Variants in TRAPPC12 observed in about 807,000 individuals in gnomAD.
TRAPPC12 encodes the protein trafficking protein particle complex subunit 12.
A neutral mutation model predicts 69.2 loss-of-function variants in TRAPPC12; 61 were observed. The ratio of observed to expected loss-of-function variants is 0.88; its 90% CI spans 0.72 to 1.09. The LOEUF (loss-of-function observed/expected upper bound fraction) is 1.09, where lower values mean the gene tolerates loss of function less well. Among genes scored for constraint, TRAPPC12 ranks in the 50% least tolerant of loss-of-function variants. The pLI is 0.00. For synonymous variants in TRAPPC12, 469 were observed against 438.9 expected (o/e 1.07, Z -0.86); for missense variants, 1,101 against 1,016.4 (o/e 1.08, Z -1.13).
chr2:3,422,525 C>G (rs534766213), intron 4 of TRAPPC12, among the ~76,000 whole-genome samples: 3 of 152,362 alleles, frequency 2.0e-5, no homozygotes, highest in South Asian at 2.1e-4. Flanking sequence ...TACATTCTTA[C>G]CTTTCCCTGG....
At chr2:3,464,748 G>T (rs891582252) in intron 8 of TRAPPC12, among the ~76,000 whole-genome samples, 3 of 152,236 alleles carry the variant, frequency 2.0e-5, no homozygotes, top group Non-Finnish European at 2.9e-5. Context: ...AGACCTTCCT[G>T]CACGGAGACC....
intron 2 of TRAPPC12, chr2:3,389,770 C>G (rs1240734890): frequency 2.1e-6 from 1 of 465,224 alleles, no homozygotes; most frequent in African/African-American, 2.1e-5. Flanking sequence ...ATTATGCCGA[C>G]AACCAGAGTG....
Position 3,478,033 on chromosome 2 carries a change from C to T in TRAPPC12, c.1877+238C>T, listed in dbSNP as rs538268372. 14 of 370,664 alleles carry T rather than the reference C, an allele frequency of 3.8e-5. 1 individual carries two copies. The South Asian group carries it at 4.0e-4, about 11-fold the overall frequency. 23.0% of individuals were successfully genotyped at this position (370,664 alleles called of 1,614,324 possible). On this transcript the variant is annotated intron_variant, in intron 10 of 11. Coordinates refer to ENST00000324266, the MANE Select transcript of TRAPPC12 (RefSeq NM_016030.6). ...TATTCCCCCTTGTTCTTCAGAGAAG[C>T]GCTTGTATTGCCCCCGTTTTCAGCG...
chr2:3,401,033 G>A (rs1348680865), intron 2 of TRAPPC12, among the ~76,000 whole-genome samples: 1 of 152,208 alleles, frequency 6.6e-6, no homozygotes, highest in South Asian at 2.1e-4. Flanking sequence ...TCTAAAGATC[G>A]TTCTAATCAG....
chr2:3,446,204 A>G (rs546223302), intron 6 of TRAPPC12, among the ~76,000 whole-genome samples: 5 of 152,204 alleles, frequency 3.3e-5, no homozygotes, highest in South Asian at 2.1e-4. Context: ...TTAAAGATAC[A>G]TATCTTTTCC....
Position 3,424,612 on chromosome 2 carries a change from C to T in TRAPPC12, c.1366C>T (p.Gln456Ter). Residue 456 changes from glutamine (Q) to a stop codon, truncating the protein, a stop_gained, in exon 5 of 12, where the codon CAG becomes TAG. Coordinates refer to ENST00000324266, the MANE Select transcript of TRAPPC12 (RefSeq NM_016030.6). LOFTEE classifies it high-confidence loss of function. ...MEFEPFGNLD[Q>*]PDLYYEYYPH... ...ATTTGAACCCTTCGGAAATCTTGAT[C>T]AGCCAGATCTTTATTACGAGTACTA... The T allele has an allele frequency of 6.2e-7, 1 of 1,614,054 alleles. No individual in the cohort carries two copies. The highest frequency in any genetic ancestry group is 8.5e-7 in the Non-Finnish European group (1 of 1,179,980).
At chr2:3,389,286 G>A (rs993632385) in intron 2 of TRAPPC12, among the ~76,000 whole-genome samples, 1 of 152,226 alleles carries the variant, frequency 6.6e-6, no homozygotes, top group African/African-American at 2.4e-5. Flanking sequence ...CTGCCGGGCC[G>A]CACCTGGCTT....
chr2:3,457,997 C>T, intron 7 of TRAPPC12: 2 of 1,216,120 alleles, frequency 1.6e-6, no homozygotes, highest in East Asian at 4.0e-5. Flanking sequence ...GAGGAAGGAG[C>T]CCAGCCCAGC....
rs898132005 is a variant in TRAPPC12, at chr2:3,434,871, A to T, written c.1418-8908A>T. 3.9e-5 allele frequency among the ~76,000 whole-genome samples: 6 copies of T among 152,328 alleles called. No individual in the cohort carries two copies. In the East Asian group the frequency reaches 1.2e-3, roughly 29 times the overall value. ...CACCATAATGAGGACACAGCCAGCC[A>T]TCTCTTCCCTGCCACAGAACCCCAG... On this transcript the variant is annotated intron_variant, in intron 5 of 11. Coordinates refer to ENST00000324266, the MANE Select transcript of TRAPPC12 (RefSeq NM_016030.6).
At chr2:3,475,382 A>C (rs35090598) in intron 9 of TRAPPC12, among the ~76,000 whole-genome samples, 19,716 of 150,074 alleles carry the variant, frequency 0.13, 990 homozygotes, top group African/African-American at 0.2. Flanking sequence ...CAAAGGGCTG[A>C]GATTACAGGT....
chr2:3,400,617 C>T (rs974374584), intron 2 of TRAPPC12, among the ~76,000 whole-genome samples: 1 of 152,188 alleles, frequency 6.6e-6, no homozygotes, highest in African/African-American at 2.4e-5. Context: ...CTCCTGCCGC[C>T]CGTGGAGAGC....
chr2:3,432,788 G>A lies in TRAPPC12; in HGVS notation c.1417+8125G>A, dbSNP rs115498520. The stretch of plus-strand genomic sequence containing the variant: ...AGGGGAATTTTCAGTTTGGGGTTCC[G>A]TATCTACCATGAGAACACCCAAATG... On this transcript the variant is annotated intron_variant, in intron 5 of 11. Transcript: ENST00000324266. 2.2e-3 allele frequency among the ~76,000 whole-genome samples: 338 copies of A among 152,232 alleles called. 2 individuals are homozygous for A. Among genetic ancestry groups the A allele is most frequent in the African/African-American group, 7.6e-3 (317 of 41,544 alleles).
intron 3 of TRAPPC12, among the ~76,000 whole-genome samples, chr2:3,409,920 G>A (rs1342857974): frequency 6.6e-6 from 1 of 152,196 alleles, no homozygotes; most frequent in African/African-American, 2.4e-5. Flanking sequence ...GCTGAGGTGT[G>A]AGGCTGGGTC....
At chr2:3,455,755 T>C (rs11886086) in intron 6 of TRAPPC12, 4,125 of 152,398 alleles carry the variant, frequency 0.027, 152 homozygotes, top group African/African-American at 0.091. Flanking sequence ...TGTCTGCTGA[T>C]GGACACTTAG....
chr2:3,456,909 T>C, intron 6 of TRAPPC12: 1 of 333,756 alleles, frequency 3.0e-6, no homozygotes, highest in South Asian at 2.2e-5. Context: ...CTTGATGCTT[T>C]TCTTAAAAAA....
intron 6 of TRAPPC12, chr2:3,456,798 C>G (rs373022423): frequency 1.6e-5 from 4 of 251,036 alleles, no homozygotes; most frequent in Non-Finnish European, 3.1e-5. Flanking sequence ...CAGCTGGTCT[C>G]TAACTCCTGG....
chr2:3,391,133 A>T (rs532737006), intron 2 of TRAPPC12, among the ~76,000 whole-genome samples: 1 of 152,204 alleles, frequency 6.6e-6, no homozygotes, highest in Non-Finnish European at 1.5e-5. Flanking sequence ...GTTTATTGCA[A>T]CCAAATTGTG....
intron 1 of TRAPPC12, among the ~76,000 whole-genome samples, chr2:3,384,186 G>A (rs968341872): frequency 3.3e-5 from 5 of 152,028 alleles, no homozygotes; most frequent in Non-Finnish European, 4.4e-5. Flanking sequence ...CTGAACCACC[G>A]TGCCTGGCCC....
intron 5 of TRAPPC12, among the ~76,000 whole-genome samples, chr2:3,425,585 A>T (rs1469804068): frequency 6.6e-6 from 1 of 152,134 alleles, no homozygotes; most frequent in African/African-American, 2.4e-5. Flanking sequence ...TCTAGTACCA[A>T]CTGTATTTGC....
Sources: allele counts gnomAD v4.1 joint callset (sites outside exome capture counted in the v4.1 genomes callset), GRCh38; gene constraint gnomAD v4.1.1; transcripts MANE v1.5; gene names NCBI Gene and HGNC (gene_info 2026-07-23, HGNC 2026-07-21).